CHMP4B: variants seen among roughly 807,000 people sequenced by gnomAD.
The protein encoded by CHMP4B is charged multivesicular body protein 4B, also known as SNF7 homolog associated with Alix 1.
In CHMP4B, 1 loss-of-function variant was observed where a neutral mutation model predicts 25.1. The observed-to-expected ratio is 0.04, with a 90% CI of 0.01 to 0.19. The LOEUF is 0.19. Among genes scored for constraint, CHMP4B ranks in the 10% least tolerant of loss-of-function variants. The pLI is 1.00. For missense variants in CHMP4B, 151 were observed against 289.7 expected, an observed-to-expected ratio of 0.52 and a Z score of 3.48; for synonymous variants, 101 against 115.6, an observed-to-expected ratio of 0.87 and a Z score of 0.81.
chr20:33,844,496 T>C (rs1487704129), intron 1 of CHMP4B, among the ~76,000 whole-genome samples: 1 of 152,184 alleles, frequency 6.6e-6, no homozygotes, highest in Non-Finnish European at 1.5e-5. Flanking sequence ...GCGTATTTGC[T>C]TCCAGATCAT....
At chr20:33,820,233 T>C (rs1249030078) in intron 1 of CHMP4B, among the ~76,000 whole-genome samples, 1 of 152,022 alleles carries the variant, frequency 6.6e-6, no homozygotes, top group African/African-American at 2.4e-5. Context: ...CATCCTGACC[T>C]ACTGAAGCAG....
At chr20:33,814,313 A>C (rs1978722628) in intron 1 of CHMP4B, among the ~76,000 whole-genome samples, 2 of 152,166 alleles carry the variant, frequency 1.3e-5, no homozygotes, top group African/African-American at 2.4e-5. Context: ...ATGAAAATAC[A>C]CTGTGTCAGC....
At chr20:33,822,650 A>T (rs1978974148) in intron 1 of CHMP4B, among the ~76,000 whole-genome samples, 1 of 152,212 alleles carries the variant, frequency 6.6e-6, no homozygotes, top group Non-Finnish European at 1.5e-5. Context: ...CCTGGCATTC[A>T]GCTTGCTGCT....
chr20:33,850,859 T>G (rs2122817366), intron 2 of CHMP4B, 93 bp from the exon 3 acceptor site: 1 of 870,344 alleles, frequency 1.1e-6, no homozygotes, highest in East Asian at 2.5e-5. Flanking sequence ...GAAGCTGATT[T>G]TGTGGGGCCC....
chr20:33,852,236 G>C, intron 4 of CHMP4B, 33 bp downstream of exon 4: 1 of 1,613,806 alleles, frequency 6.2e-7, no homozygotes, highest in African/African-American at 1.3e-5. Context: ...CACACCGTGA[G>C]GTCATGTGGC....
chr20:33,834,387 T>TG (rs1330206016), intron 1 of CHMP4B, among the ~76,000 whole-genome samples: 1 of 152,182 alleles, frequency 6.6e-6, no homozygotes, highest in East Asian at 1.9e-4. Flanking sequence ...CATAGCTTAC[T>TG]GCAGCCTCAA....
intron 3 of CHMP4B, among the ~76,000 whole-genome samples, chr20:33,851,358 T>C (rs1979841143): frequency 6.6e-6 from 1 of 152,160 alleles, no homozygotes; most frequent in Non-Finnish European, 1.5e-5. Flanking sequence ...GGCACAGAGC[T>C]GGGCAGCAGA....
At chr20:33,830,467 C>A (rs1009441396) in intron 1 of CHMP4B, among the ~76,000 whole-genome samples, 1 of 152,186 alleles carries the variant, frequency 6.6e-6, no homozygotes, top group South Asian at 2.1e-4. Flanking sequence ...GAGACTCAGT[C>A]GATGGTCAAG....
At chr20:33,835,848 C>CGA (rs748222787) in intron 1 of CHMP4B, among the ~76,000 whole-genome samples, 1 of 151,982 alleles carries the variant, frequency 6.6e-6, no homozygotes, top group Admixed American at 6.6e-5. Flanking sequence ...ATGTGTGTGG[C>CGA]GAGAGAGAGA....
chr20:33,827,456 C>T (rs1468722206), intron 1 of CHMP4B, among the ~76,000 whole-genome samples: 2 of 152,242 alleles, frequency 1.3e-5, no homozygotes, highest in Non-Finnish European at 2.9e-5. Context: ...TAGGTACCTG[C>T]CTGCTTATTG....
At chr20:33,831,814 C>A (rs1979260308) in intron 1 of CHMP4B, among the ~76,000 whole-genome samples, 1 of 152,132 alleles carries the variant, frequency 6.6e-6, no homozygotes, top group Non-Finnish European at 1.5e-5. Context: ...AACCCATGAA[C>A]CAGACTGTTT....
chr20:33,837,711 A>G (rs1421535861), intron 1 of CHMP4B, among the ~76,000 whole-genome samples: 1 of 152,172 alleles, frequency 6.6e-6, no homozygotes, highest in East Asian at 1.9e-4. Flanking sequence ...GGAGTTTCTG[A>G]TCTTTCTAAC....
Position 33,852,045 on chromosome 20 carries a change from G to A in CHMP4B, c.484-32G>A, listed in dbSNP as rs374285294. 1.9e-5 allele frequency: 31 copies of A among 1,612,780 alleles called. No individual in the cohort carries two copies. In the African/African-American group the frequency reaches 3.3e-4, roughly 17 times the overall value. On this transcript the variant is annotated intron_variant, in intron 3 of 4. Transcript: ENST00000217402. The stretch of plus-strand genomic sequence containing the variant: ...GACCGCGGGGGCTGGGATTCCCAGG[G>A]AGGGCGCTCACTTTGTGTTTCCTTT...
chr20:33,815,228 G>A (rs1978751422), intron 1 of CHMP4B, among the ~76,000 whole-genome samples: 1 of 152,204 alleles, frequency 6.6e-6, no homozygotes. Context: ...CGCATGCCAA[G>A]CTCCTAGGAC....
intron 1 of CHMP4B, among the ~76,000 whole-genome samples, chr20:33,830,166 G>A (rs80086387): frequency 2.5e-3 from 375 of 152,330 alleles, no homozygotes; most frequent in African/African-American, 8.6e-3. Flanking sequence ...TGGTGGTGAA[G>A]AGGAAGATGA....
intron 3 of CHMP4B, among the ~76,000 whole-genome samples, chr20:33,851,398 A>G (rs942921664): frequency 6.6e-6 from 1 of 152,058 alleles, no homozygotes; most frequent in Non-Finnish European, 1.5e-5. Context: ...AGTTCACAGG[A>G]TTTTCCCTGA....
chr20:33,816,901 C>A (rs149768163), intron 1 of CHMP4B, among the ~76,000 whole-genome samples: 1 of 152,202 alleles, frequency 6.6e-6, no homozygotes, highest in East Asian at 1.9e-4. Flanking sequence ...CTGATGGATG[C>A]ATAGAGGCCA....
intron 1 of CHMP4B, among the ~76,000 whole-genome samples, chr20:33,842,599 A>G (rs1486365411): frequency 6.6e-6 from 1 of 152,160 alleles, no homozygotes; most frequent in Non-Finnish European, 1.5e-5. Flanking sequence ...GTTCTTCAGA[A>G]TGCTCACTTA....
At chr20:33,828,631 C>G (rs1979158740) in intron 1 of CHMP4B, among the ~76,000 whole-genome samples, 1 of 152,162 alleles carries the variant, frequency 6.6e-6, no homozygotes, top group African/African-American at 2.4e-5. Flanking sequence ...TCAGGGTTTC[C>G]TCCATGCAAG....
Sources: gnomAD v4.1 joint callset for allele counts (sites outside exome capture counted in the v4.1 genomes callset) on GRCh38, gnomAD v4.1.1 for gene constraint, MANE v1.5 for transcripts, NCBI Gene and HGNC (gene_info 2026-07-23, HGNC 2026-07-21) for gene names.